The following MTCH2 variants were observed in gnomAD, a reference collection of about 807,000 sequenced individuals.
MTCH2 encodes mitochondrial carrier 2, also known as mitochondrial carrier homolog 2.
A neutral mutation model predicts 50.6 loss-of-function variants in MTCH2; 25 were observed. The observed-to-expected ratio is 0.49, with a 90% confidence interval of 0.36 to 0.69. The LOEUF is 0.69. Ranked by LOEUF, MTCH2 falls within the 30% of genes least tolerant of loss-of-function variation. MTCH2 has a pLI of 0.00. For missense variants in MTCH2, 273 were observed against 384.4 expected (o/e 0.71, Z 2.42); for synonymous variants, 106 against 132.0 (o/e 0.80, Z 1.35).
rs141207053 is a variant in MTCH2, at chr11:47,634,355, C to T, written c.369+317G>A. ...TTGGCCTCCCAAAGTGCTGGGATTA[C>T]AGGCGTGAGCCACCACACCTGGCCT... On this transcript the variant is annotated intron_variant, in intron 5 of 12. Coordinates refer to ENST00000302503, the MANE Select transcript of MTCH2 (RefSeq NM_014342.4). 2.0e-3 allele frequency among the ~76,000 whole-genome samples: 297 copies of T among 152,290 alleles called. 1 individual carries two copies. Among genetic ancestry groups the T allele is most frequent in the Middle Eastern group, 0.014 (4 of 294 alleles).
At chr11:47,609,171 G>A in the MTCH2 span, among the ~76,000 whole-genome samples, 2 of 147,136 alleles carry the variant, frequency 1.4e-5, no homozygotes, top group South Asian at 4.4e-4. Flanking sequence ...AAATCTCAAG[G>A]AGCCCGGGCG....
intron 5 of MTCH2, among the ~76,000 whole-genome samples, chr11:47,632,648 G>A (rs941890624): frequency 3.3e-5 from 5 of 150,114 alleles, no homozygotes; most frequent in East Asian, 2.0e-4. Flanking sequence ...ATGAGCCACC[G>A]TGCCTGGCCG....
rs755086320 is a variant in MTCH2, at chr11:47,642,364, G to C, written c.87+15C>G. 3 of 1,408,458 alleles carry C rather than the reference G, an allele frequency of 2.1e-6. No homozygotes were observed. Among genetic ancestry groups the C allele is most frequent in the Non-Finnish European group, 2.8e-6 (3 of 1,082,120 alleles). The allele number at this position is 1,408,458 out of a possible 1,614,324, so 87.2% of individuals were successfully genotyped here. A position where few individuals can be genotyped will look rare whatever the true frequency, so the allele number is the denominator to read the frequency against. ...CGGGGCGCCGGGCGGGGTAGGGAGCGGCGACGCCTCATACCTGGATGAGCA... is the reference window on the plus strand; with the variant it reads ...CGGGGCGCCGGGCGGGGTAGGGAGCCGCGACGCCTCATACCTGGATGAGCA... On this transcript the variant is annotated intron_variant, in intron 1 of 12. Coordinates refer to ENST00000302503, the MANE Select transcript of MTCH2 (RefSeq NM_014342.4).
At chr11:47,609,139 A>AG in the MTCH2 span, among the ~76,000 whole-genome samples, 2 of 129,464 alleles carry the variant, frequency 1.5e-5, no homozygotes, top group African/African-American at 2.9e-5. Flanking sequence ...AAAAAAAAAA[A>AG]AAAAAAAGAA....
chr11:47,638,592 G>T (rs2097311038), intron 3 of MTCH2, 107 bp downstream of exon 3: 1 of 593,694 alleles, frequency 1.7e-6, no homozygotes, highest in Non-Finnish European at 2.7e-6. Context: ...GAGGAAGAAA[G>T]GACAGGGTTA....
In MTCH2 at chr11:47,642,466, G is replaced by A; in HGVS notation, c.-1C>T. The stretch of plus-strand genomic sequence containing the variant: ...GCACCTGACTGGCCGCGTCCGCCAT[G>A]ATGGCACCCGCGGGCGGACGGACAG... On this transcript the variant is annotated 5_prime_UTR_variant, in exon 1 of 13. Coordinates refer to ENST00000302503, the MANE Select transcript of MTCH2 (RefSeq NM_014342.4). 7.0e-7 allele frequency: 1 copy of A among 1,433,372 alleles called. No homozygotes were observed. Among genetic ancestry groups the A allele is most frequent in the Non-Finnish European group, 9.1e-7 (1 of 1,096,862 alleles). 88.8% of individuals were successfully genotyped at this position (1,433,372 alleles called of 1,614,324 possible).
intron 6 of MTCH2, 107 bp from the exon 7 acceptor site, chr11:47,631,194 A>T (rs2097302706): frequency 2.6e-5 from 22 of 830,774 alleles, no homozygotes; most frequent in Non-Finnish European, 3.9e-5. Flanking sequence ...GGATCACCTG[A>T]GGTCAGGAGT....
rs1208263053 is a variant in MTCH2, at chr11:47,617,629, T to C, written c.*1204A>G. The stretch of plus-strand genomic sequence containing the variant: ...CATTTGGCAATGTCCCAGTGAGTTA[T>C]ATAAATAAGTGAAACCACAGGCTTT... On this transcript the variant is annotated 3_prime_UTR_variant, in exon 13 of 13. Coordinates refer to ENST00000302503, the MANE Select transcript of MTCH2 (RefSeq NM_014342.4). 2 of 152,666 alleles carry C rather than the reference T, an allele frequency of 1.3e-5. No individual in the cohort carries two copies. Among genetic ancestry groups the C allele is most frequent in the South Asian group, 2.1e-4 (1 of 4,836 alleles). 9.5% of individuals were successfully genotyped at this position (152,666 alleles called of 1,614,324 possible). A position where few individuals can be genotyped will look rare whatever the true frequency, so the allele number is the denominator to read the frequency against.
intron 6 of MTCH2, among the ~76,000 whole-genome samples, chr11:47,631,439 A>AG (rs2097302967): frequency 6.6e-6 from 1 of 152,104 alleles, no homozygotes; most frequent in Admixed American, 6.6e-5. Context: ...ACAAAAAAAA[A>AG]CTATGTTAAG....
At chr11:47,607,345 GT>G in the MTCH2 span, among the ~76,000 whole-genome samples, 2 of 152,108 alleles carry the variant, frequency 1.3e-5, no homozygotes, top group Non-Finnish European at 2.9e-5. Flanking sequence ...TATTAAAACT[GT>G]TTCTTTTGGA....
the MTCH2 span, among the ~76,000 whole-genome samples, chr11:47,605,079 T>C: frequency 4.6e-5 from 7 of 152,200 alleles, no homozygotes; most frequent in East Asian, 3.9e-4. Context: ...TACAGGCGCC[T>C]GCCACCACGC....
chr11:47,636,361 G>A (rs986875875), intron 3 of MTCH2, among the ~76,000 whole-genome samples: 1 of 150,860 alleles, frequency 6.6e-6, no homozygotes, highest in Non-Finnish European at 1.5e-5. Flanking sequence ...TTGAACCCGG[G>A]GGGTAAAGAC....
At chr11:47,638,514 C>T (rs2097310852) in intron 3 of MTCH2, among the ~76,000 whole-genome samples, 185 bp downstream of exon 3, 1 of 118,968 alleles carries the variant, frequency 8.4e-6, no homozygotes, top group African/African-American at 3.3e-5. Context: ...CCACTACACT[C>T]CAGCCTGGGC....
rs1353237816 is a variant in MTCH2, at chr11:47,632,520, AT to A, written c.370-810del. Among the ~76,000 whole-genome samples, 3 of 151,036 alleles carry A rather than the reference AT, an allele frequency of 2.0e-5. No homozygotes were observed. The South Asian group carries it at 6.3e-4, about 32-fold the overall frequency. Reference sequence around the variant, plus strand: ...AGGCACCCGCCATCATGCCCGGCTAATTTTTTTTCTTTGTATTTTTTAGTAG... The same window carrying A: ...AGGCACCCGCCATCATGCCCGGCTAATTTTTTTCTTTGTATTTTTTAGTAG... On this transcript the variant is annotated intron_variant, in intron 5 of 12. Transcript: ENST00000302503.
At chr11:47,613,120 C>T (rs894246208), downstream of MTCH2, among the ~76,000 whole-genome samples, 3 of 151,644 alleles carry the variant, frequency 2.0e-5, no homozygotes, top group African/African-American at 7.3e-5. Flanking sequence ...GTTGTCTAGG[C>T]TGGTCTCAAA....
chr11:47,637,820 A>G (rs1289064637), intron 3 of MTCH2, among the ~76,000 whole-genome samples: 1 of 152,206 alleles, frequency 6.6e-6, no homozygotes, highest in East Asian at 1.9e-4. Flanking sequence ...TTTTGGCCAA[A>G]TTCCAGGTCC....
intron 11 of MTCH2, 22 bp downstream of exon 11, chr11:47,625,652 A>AT: frequency 6.3e-7 from 1 of 1,583,592 alleles, no homozygotes; most frequent in East Asian, 2.2e-5. Flanking sequence ...ACCTACTAGA[A>AT]TAAGAAATAC....
chr11:47,618,746 G>A lies in MTCH2; in HGVS notation c.*87C>T, dbSNP rs76888618. 1.4e-4 allele frequency: 115 copies of A among 849,876 alleles called. 1 individual carries two copies. Among genetic ancestry groups the A allele is most frequent in the Admixed American group, 7.5e-4 (13 of 17,248 alleles). 52.6% of individuals were successfully genotyped at this position (849,876 alleles called of 1,614,324 possible). On this transcript the variant is annotated 3_prime_UTR_variant, in exon 13 of 13. Transcript: ENST00000302503. Reference sequence around the variant, plus strand: ...AAGATTAAATGATTATTAAAAAAGCGCGCCACACTGTATAGAAATCAACAT... The same window carrying A: ...AAGATTAAATGATTATTAAAAAAGCACGCCACACTGTATAGAAATCAACAT...
chr11:47,606,540 A>G, the MTCH2 span, among the ~76,000 whole-genome samples: 1 of 152,032 alleles, frequency 6.6e-6, no homozygotes, highest in Non-Finnish European at 1.5e-5. Context: ...CTGCACAGGG[A>G]TTTTCAGCAA....
Sources: gnomAD v4.1 joint callset for allele counts (sites outside exome capture counted in the v4.1 genomes callset) on GRCh38, gnomAD v4.1.1 for gene constraint, MANE v1.5 for transcripts, NCBI Gene and HGNC (gene_info 2026-07-23, HGNC 2026-07-21) for gene names.